Variants in GRM7 observed in about 807,000 individuals in gnomAD.
GRM7 encodes glutamate metabotropic receptor 7, also known as metabotropic glutamate receptor 7.
Under a neutral mutation model 84.5 loss-of-function variants are expected in GRM7, and 35 were observed. The observed-to-expected ratio is 0.41, with a 90% CI of 0.32 to 0.55. The LOEUF is 0.55. GRM7 is among the 20% of genes least tolerant of loss of function. GRM7 has a pLI of 0.19. For synonymous variants in GRM7, 487 were observed against 455.1 expected (o/e 1.07, Z -0.89); for missense variants, 1,003 against 1,194.6 (o/e 0.84, Z 2.36).
At chr3:7,136,863 G>T (rs1434081599) in intron 1 of GRM7, among the ~76,000 whole-genome samples, 5 of 152,088 alleles carry the variant, frequency 3.3e-5, no homozygotes. Flanking sequence ...ATGGGGAGAA[G>T]AATAAACAGA....
chr3:7,176,326 G>C (rs538232330), intron 2 of GRM7, among the ~76,000 whole-genome samples: 4 of 145,262 alleles, frequency 2.8e-5, no homozygotes, highest in African/African-American at 5.0e-5. Context: ...TGGGAGGATT[G>C]ATTGAGCCTG....
intron 9 of GRM7, chr3:7,681,756 A>G (rs1172693699): frequency 6.6e-6 from 1 of 152,260 alleles, no homozygotes; most frequent in Non-Finnish European, 1.5e-5. Flanking sequence ...GTTCAAATGT[A>G]AACCACTCCA....
chr3:6,992,176 C>A (rs1490978048), intron 1 of GRM7, among the ~76,000 whole-genome samples: 1 of 152,102 alleles, frequency 6.6e-6, no homozygotes, highest in African/African-American at 2.4e-5. Flanking sequence ...TCTTAGTATT[C>A]CTTTCTGGGC....
intron 6 of GRM7, among the ~76,000 whole-genome samples, chr3:7,454,687 G>C (rs1293397428): frequency 6.6e-6 from 1 of 151,916 alleles, no homozygotes; most frequent in Non-Finnish European, 1.5e-5. Context: ...TGAGAGCCAG[G>C]TTTCTCATTA....
chr3:7,714,127 G>A (rs1445448297), intron 9 of GRM7, among the ~76,000 whole-genome samples: 1 of 152,096 alleles, frequency 6.6e-6, no homozygotes, highest in African/African-American at 2.4e-5. Context: ...AAACTGGGAT[G>A]GAGAACAAAA....
intron 7 of GRM7, among the ~76,000 whole-genome samples, chr3:7,553,727 A>C (rs941944779): frequency 3.9e-5 from 6 of 152,156 alleles, no homozygotes; most frequent in Middle Eastern, 3.2e-3. Flanking sequence ...TGAGAACAGC[A>C]TGGGGGAAAT....
intron 2 of GRM7, among the ~76,000 whole-genome samples, chr3:7,203,440 G>C (rs1402391883): frequency 2.6e-5 from 4 of 152,036 alleles, no homozygotes; most frequent in Non-Finnish European, 5.9e-5. Context: ...GTGTGTTTGT[G>C]TGTGTATATA....
intron 2 of GRM7, among the ~76,000 whole-genome samples, chr3:7,266,585 G>C (rs1698648221): frequency 6.6e-6 from 1 of 151,992 alleles, no homozygotes; most frequent in Non-Finnish European, 1.5e-5. Flanking sequence ...ACCTTATATA[G>C]GGAAAACAAA....
chr3:7,391,401 A>C (rs1015056094), intron 4 of GRM7, among the ~76,000 whole-genome samples: 6 of 152,048 alleles, frequency 3.9e-5, no homozygotes, highest in South Asian at 2.1e-4. Flanking sequence ...GAGTTCATGT[A>C]CTTTGTAGGG....
chr3:7,471,161 A>G (rs984935011), intron 7 of GRM7, among the ~76,000 whole-genome samples: 3 of 151,908 alleles, frequency 2.0e-5, no homozygotes, highest in Admixed American at 2.0e-4. Flanking sequence ...AAGAATGCAT[A>G]TGATATTTGT....
intron 2 of GRM7, among the ~76,000 whole-genome samples, chr3:7,227,730 C>A (rs1351200713): frequency 6.6e-6 from 1 of 152,102 alleles, no homozygotes; most frequent in African/African-American, 2.4e-5. Flanking sequence ...AGCATTATCT[C>A]CACATGTTGG....
Position 7,029,403 on chromosome 3 carries a change from G to A in GRM7, c.520-117049G>A, listed in dbSNP as rs910109365. Among the ~76,000 whole-genome samples, 13 of 152,000 alleles carry A rather than the reference G, an allele frequency of 8.6e-5. No individual in the cohort carries two copies. In the East Asian group the frequency reaches 2.3e-3, roughly 27 times the overall value. ...AATAATTGGCGGCAGGGACTCAAGC[G>A]GGTATTTGTACACCAGTGTTGATGG... On this transcript the variant is annotated intron_variant, in intron 1 of 9. Coordinates refer to ENST00000357716, the MANE Select transcript of GRM7 (RefSeq NM_000844.4).
chr3:7,091,828 T>A (rs1229273590), intron 1 of GRM7, among the ~76,000 whole-genome samples: 1 of 151,126 alleles, frequency 6.6e-6, no homozygotes, highest in African/African-American at 2.4e-5. Context: ...TACCTTATGC[T>A]ACATGGTACT....
At chr3:7,604,244 T>A (rs1340709061) in intron 8 of GRM7, among the ~76,000 whole-genome samples, 2 of 152,184 alleles carry the variant, frequency 1.3e-5, no homozygotes, top group African/African-American at 2.4e-5. Flanking sequence ...AGGTTATTTG[T>A]GATCATAAAA....
At position 7,280,678 on chromosome 3, in the gene GRM7, C is replaced by T. The variant is rs145459267; in HGVS notation, c.737-18006C>T. ...CAAGCTCAGAAAAGTGTTTGCAGTA[C>T]GTGTTTACAATCATAAAGTGCTTTG... On this transcript the variant is annotated intron_variant, in intron 2 of 9. Coordinates refer to ENST00000357716, the MANE Select transcript of GRM7 (RefSeq NM_000844.4). Among the ~76,000 whole-genome samples, 146 of 152,314 alleles carry T rather than the reference C, an allele frequency of 9.6e-4. 1 individual carries two copies. Among genetic ancestry groups the T allele is most frequent in the African/African-American group, 3.3e-3 (138 of 41,568 alleles).
chr3:7,450,918 A>G (rs764829764), intron 5 of GRM7, among the ~76,000 whole-genome samples: 4 of 148,310 alleles, frequency 2.7e-5, no homozygotes, highest in East Asian at 2.0e-4. Flanking sequence ...TGGAGGTTAC[A>G]TTTTATGTTA....
At chr3:7,340,573 A>C (rs963688974) in intron 4 of GRM7, among the ~76,000 whole-genome samples, 20 of 152,222 alleles carry the variant, frequency 1.3e-4, no homozygotes, top group Middle Eastern at 3.4e-3. Flanking sequence ...ATTCAAGATG[A>C]GATTTGGGTG....
chr3:6,986,072 G>A (rs1694398504), intron 1 of GRM7, among the ~76,000 whole-genome samples: 1 of 152,158 alleles, frequency 6.6e-6, no homozygotes, highest in Non-Finnish European at 1.5e-5. Flanking sequence ...TGGGTATGAA[G>A]TTTCGGTAAT....
chr3:6,915,322 G>A (rs867248052), intron 1 of GRM7, among the ~76,000 whole-genome samples: 10 of 152,210 alleles, frequency 6.6e-5, no homozygotes, highest in Admixed American at 3.3e-4. Flanking sequence ...GGTGGTTGTC[G>A]TTGCTGTTGT....
Sources: gnomAD v4.1 joint callset for allele counts (sites outside exome capture counted in the v4.1 genomes callset) on GRCh38, gnomAD v4.1.1 for gene constraint, MANE v1.5 for transcripts, NCBI Gene and HGNC (gene_info 2026-07-23, HGNC 2026-07-21) for gene names.